The following SPOCK3 variants were observed in gnomAD, a reference collection of about 807,000 sequenced individuals.
SPOCK3 encodes the protein testican-3.
SPOCK3 carries 30 observed loss-of-function variants against 56.6 expected under a neutral mutation model. The ratio of observed to expected loss-of-function variants is 0.53; its 90% CI spans 0.40 to 0.72. The LOEUF (loss-of-function observed/expected upper bound fraction) is 0.72, where lower values mean the gene tolerates loss of function less well. Among genes scored for constraint, SPOCK3 ranks in the 30% least tolerant of loss-of-function variants. The pLI, the probability that SPOCK3 is intolerant of heterozygous loss-of-function variation, is 0.00. For missense variants in SPOCK3, 527 were observed against 530.0 expected (o/e 0.99, Z 0.06); for synonymous variants, 196 against 183.3 (o/e 1.07, Z -0.56).
Position 167,127,844 on chromosome 4 carries a change from C to T in SPOCK3, c.190-65307G>A, listed in dbSNP as rs1762410839. Reference sequence around the variant, plus strand: ...GAAGAAAATAAATTCTCCTAAACTTCTTCAAACTTTGGTTTCCCATTATAG... The same window carrying T: ...GAAGAAAATAAATTCTCCTAAACTTTTTCAAACTTTGGTTTCCCATTATAG... On this transcript the variant is annotated intron_variant, in intron 2 of 10. Coordinates refer to ENST00000357545, the MANE Select transcript of SPOCK3 (RefSeq NM_001040159.2). Among the ~76,000 whole-genome samples, 4 of 152,330 alleles carry T rather than the reference C, an allele frequency of 2.6e-5. 1 individual carries two copies. The South Asian group carries it at 8.3e-4, about 32-fold the overall frequency.
chr4:166,786,001 G>C (rs1740690860), intron 7 of SPOCK3, among the ~76,000 whole-genome samples: 1 of 152,082 alleles, frequency 6.6e-6, no homozygotes, highest in African/African-American at 2.4e-5. Context: ...TATTTTATTT[G>C]GAACAGAGAG....
intron 3 of SPOCK3, among the ~76,000 whole-genome samples, chr4:167,039,055 T>C (rs1753015147): frequency 6.6e-6 from 1 of 152,338 alleles, no homozygotes; most frequent in East Asian, 1.9e-4. Flanking sequence ...TCAGCAGTGC[T>C]GGGTCCTTCT....
At chr4:166,924,563 A>G (rs1279606801) in intron 4 of SPOCK3, among the ~76,000 whole-genome samples, 1 of 152,192 alleles carries the variant, frequency 6.6e-6, no homozygotes, top group Non-Finnish European at 1.5e-5. Flanking sequence ...TTTCTGACCA[A>G]CTGGAGGCCA....
chr4:166,846,357 A>T (rs1006814582), intron 6 of SPOCK3, among the ~76,000 whole-genome samples: 4 of 152,140 alleles, frequency 2.6e-5, no homozygotes, highest in Admixed American at 2.6e-4. Flanking sequence ...AAAATACATG[A>T]TATAAATGTA....
chr4:166,745,395 A>T (rs542972928), intron 8 of SPOCK3, among the ~76,000 whole-genome samples: 2 of 152,330 alleles, frequency 1.3e-5, no homozygotes, highest in African/African-American at 4.8e-5. Flanking sequence ...ACTAAATTTC[A>T]TAAGTGAAGG....
intron 6 of SPOCK3, among the ~76,000 whole-genome samples, chr4:166,886,094 A>G (rs773525880): frequency 3.1e-4 from 47 of 152,134 alleles, no homozygotes; most frequent in Non-Finnish European, 3.1e-4. Context: ...TTAGGATTGC[A>G]TTTTATACAC....
chr4:166,951,988 C>A (rs1184317115), intron 4 of SPOCK3, among the ~76,000 whole-genome samples: 2 of 152,032 alleles, frequency 1.3e-5, no homozygotes, highest in Non-Finnish European at 2.9e-5. Context: ...ACTGAATGGG[C>A]AAAAACTGGA....
chr4:167,035,429 C>A (rs1752658961), intron 3 of SPOCK3, among the ~76,000 whole-genome samples: 1 of 151,904 alleles, frequency 6.6e-6, no homozygotes, highest in African/African-American at 2.4e-5. Flanking sequence ...AAAAAAGTAT[C>A]CTAGGGTAGG....
At chr4:166,926,186 C>T (rs564416091) in intron 4 of SPOCK3, among the ~76,000 whole-genome samples, 12 of 152,006 alleles carry the variant, frequency 7.9e-5, no homozygotes, top group South Asian at 2.1e-4. Flanking sequence ...GCCCTTTGAC[C>T]GGAGTGAAAC....
At chr4:166,996,469 A>C (rs1748391976) in intron 4 of SPOCK3, among the ~76,000 whole-genome samples, 1 of 152,186 alleles carries the variant, frequency 6.6e-6, no homozygotes, top group South Asian at 2.1e-4. Flanking sequence ...ATCTTTCCCC[A>C]AGGGTAACAA....
intron 3 of SPOCK3, among the ~76,000 whole-genome samples, chr4:167,017,220 C>T (rs1430500328): frequency 1.3e-5 from 2 of 152,068 alleles, no homozygotes; most frequent in African/African-American, 2.4e-5. Flanking sequence ...GGATCATCTG[C>T]ACCCCTGTGT....
intron 4 of SPOCK3, among the ~76,000 whole-genome samples, chr4:166,994,934 T>C (rs752087444): frequency 2.8e-4 from 42 of 152,076 alleles, no homozygotes; most frequent in Non-Finnish European, 4.6e-4. Context: ...CATTAGGCAA[T>C]AGGTGTAGAG....
At chr4:166,951,960 A>G (rs1451410042) in intron 4 of SPOCK3, among the ~76,000 whole-genome samples, 1 of 152,124 alleles carries the variant, frequency 6.6e-6, no homozygotes, top group Non-Finnish European at 1.5e-5. Context: ...TCTATGACAA[A>G]CCCACAGCCA....
chr4:167,097,760 C>T (rs917878868), intron 2 of SPOCK3, among the ~76,000 whole-genome samples: 4 of 151,828 alleles, frequency 2.6e-5, no homozygotes, highest in Non-Finnish European at 5.9e-5. Context: ...GTCATCACAA[C>T]ACTATTCACA....
intron 2 of SPOCK3, among the ~76,000 whole-genome samples, chr4:167,180,465 A>G (rs1731357775): frequency 6.6e-6 from 1 of 152,186 alleles, no homozygotes; most frequent in Admixed American, 6.6e-5. Context: ...CTCAAGTTTC[A>G]TTACCCGTGA....
At chr4:166,768,852 A>C (rs1227226723) in intron 7 of SPOCK3, among the ~76,000 whole-genome samples, 1 of 152,226 alleles carries the variant, frequency 6.6e-6, no homozygotes, top group African/African-American at 2.4e-5. Flanking sequence ...GTGTTTTCAC[A>C]TAGTCCCATA....
chr4:166,764,649 T>C (rs1467099270), intron 7 of SPOCK3, among the ~76,000 whole-genome samples: 5 of 152,192 alleles, frequency 3.3e-5, no homozygotes, highest in Admixed American at 3.3e-4. Flanking sequence ...GCAATAAACA[T>C]ACATGTGCAT....
At chr4:167,029,930 A>G (rs137861791) in intron 3 of SPOCK3, among the ~76,000 whole-genome samples, 7 of 152,052 alleles carry the variant, frequency 4.6e-5, no homozygotes, top group Admixed American at 1.3e-4. Flanking sequence ...TTCAAAATGT[A>G]TTCTTTGTAT....
chr4:166,947,085 T>G (rs963167964), intron 4 of SPOCK3, among the ~76,000 whole-genome samples: 1 of 152,184 alleles, frequency 6.6e-6, no homozygotes, highest in African/African-American at 2.4e-5. Context: ...ACTATTTTTT[T>G]TTAAGAAATT....
Sources: allele counts gnomAD v4.1 joint callset (sites outside exome capture counted in the v4.1 genomes callset), GRCh38; gene constraint gnomAD v4.1.1; transcripts MANE v1.5; gene names NCBI Gene and HGNC (gene_info 2026-07-23, HGNC 2026-07-21).